COG6: variants seen among roughly 807,000 people sequenced by gnomAD.
COG6 encodes component of oligomeric golgi complex 6.
Under a neutral mutation model 88.8 loss-of-function variants are expected in COG6, and 74 were observed. The ratio of observed to expected loss-of-function variants is 0.83; its 90% CI spans 0.69 to 1.01. The LOEUF (loss-of-function observed/expected upper bound fraction) is 1.01, where lower values mean the gene tolerates loss of function less well. COG6 is among the 50% of genes least tolerant of loss of function. The pLI is 0.00. For synonymous variants in COG6, 286 were observed against 278.7 expected (o/e 1.03, Z -0.26); for missense variants, 800 against 797.9 (o/e 1.00, Z -0.03).
rs1371347448 is a variant in COG6 at position 39,751,300 on chromosome 13, A to G, written c.*207A>G. ...CCTGAGCTAGTATTGCTGTGTATCT[A>G]CTCTAAATGAGATGATCTATTTTTT... On this transcript the variant is annotated 3_prime_UTR_variant, in exon 19 of 19. Coordinates refer to ENST00000455146, the MANE Select transcript of COG6 (RefSeq NM_020751.3). 5.3e-6 allele frequency: 8 copies of G among 1,499,726 alleles called. No homozygotes were observed. Among genetic ancestry groups the G allele is most frequent in the South Asian group, 1.2e-5 (1 of 82,714 alleles). The allele number at this position is 1,499,726 out of a possible 1,614,324, so 92.9% of individuals were successfully genotyped here. A position where few individuals can be genotyped will look rare whatever the true frequency, so the allele number is the denominator to read the frequency against.
chr13:39,692,846 G>A (rs1303693039), intron 11 of COG6, among the ~76,000 whole-genome samples: 1 of 151,840 alleles, frequency 6.6e-6, no homozygotes, highest in Non-Finnish European at 1.5e-5. Flanking sequence ...GATGTGCCAG[G>A]GTCTGTTCCA....
At position 39,771,267 on chromosome 13, in the gene COG6, C is replaced by T. The variant is rs142419165; in HGVS notation, c.1827-17068C>T. Among the ~76,000 whole-genome samples, 14 of 152,302 alleles carry T rather than the reference C, an allele frequency of 9.2e-5. No homozygotes were observed. In the East Asian group the frequency reaches 2.5e-3, roughly 27 times the overall value. On this transcript the variant is annotated intron_variant, in intron 18 of 18. Coordinates refer to the COG6 transcript ENST00000416691. ...CCAACCATCTTTCTGGCTTGTTTCC[C>T]GCAGGTACTGAAAGGCATTTGCTGT...
chr13:39,747,347 A>G (rs988289292), intron 18 of COG6, among the ~76,000 whole-genome samples: 2 of 152,154 alleles, frequency 1.3e-5, no homozygotes, highest in Non-Finnish European at 1.5e-5. Context: ...CTCGCTTCAG[A>G]GAATCTCCCT....
Position 39,699,478 on chromosome 13 carries a change from C to T in COG6, c.1167-23C>T, listed in dbSNP as rs370582953. On this transcript the variant is annotated intron_variant, in intron 12 of 18. Coordinates refer to ENST00000455146, the MANE Select transcript of COG6 (RefSeq NM_020751.3). ...TTTTGTTTCAGTTTCTGTTTTGCAA[C>T]CTGAAATATTCTTTGCTTTTAGTGG... 7 of 1,153,436 alleles carry T rather than the reference C, an allele frequency of 6.1e-6. No individual in the cohort carries two copies. Among genetic ancestry groups the T allele is most frequent in the African/African-American group, 6.1e-5 (4 of 66,008 alleles). The allele number at this position is 1,153,436 out of a possible 1,614,324, so 71.5% of individuals were successfully genotyped here. A position where few individuals can be genotyped will look rare whatever the true frequency, so the allele number is the denominator to read the frequency against.
At chr13:39,659,293 C>T in intron 1 of COG6, 71 bp from the exon 2 acceptor site, 1 of 1,382,142 alleles carries the variant, frequency 7.2e-7, no homozygotes, top group Non-Finnish European at 1.0e-6. Flanking sequence ...GATTTCATTA[C>T]ATTTTGTCTT....
At chr13:39,680,124 A>G in intron 7 of COG6, 79 bp downstream of exon 7, 1 of 816,678 alleles carries the variant, frequency 1.2e-6, no homozygotes, top group Non-Finnish European at 2.1e-6. Flanking sequence ...TCTTTATTTG[A>G]TATATTTTGA....
At chr13:39,665,251 T>A in intron 4 of COG6, 97 bp downstream of exon 4, 1 of 729,776 alleles carries the variant, frequency 1.4e-6, no homozygotes, top group Non-Finnish European at 2.5e-6. Context: ...AGCAGAATAA[T>A]AAAAAACATG....
intron 18 of COG6, among the ~76,000 whole-genome samples, chr13:39,732,214 A>G (rs2138103486): frequency 6.6e-6 from 1 of 152,334 alleles, no homozygotes; most frequent in South Asian, 2.1e-4. Context: ...CCTTAAGATT[A>G]ACTATCAGAG....
intron 4 of COG6, among the ~76,000 whole-genome samples, chr13:39,667,093 A>T (rs1235722362): frequency 1.3e-5 from 2 of 152,138 alleles, no homozygotes; most frequent in East Asian, 3.9e-4. Flanking sequence ...TGTTTAATAT[A>T]TTAGGATTCC....
chr13:39,706,020 A>G (rs1199737525), intron 13 of COG6, among the ~76,000 whole-genome samples: 1 of 151,920 alleles, frequency 6.6e-6, no homozygotes, highest in Non-Finnish European at 1.5e-5. Context: ...AAAAGTGTGT[A>G]AAATAAGTTG....
In COG6 at chr13:39,687,594, C is replaced by T; in HGVS notation, c.880C>T (p.Pro294Ser). The T allele has an allele frequency of 6.2e-7, 1 of 1,613,744 alleles. No individual in the cohort carries two copies. The highest frequency in any genetic ancestry group is 1.1e-5 in the South Asian group (1 of 91,022). The change falls in exon 9 of 19, where the codon CCT becomes TCT. Residue 294 changes from proline to serine, a missense_variant. Pro to Ser is a moderately conservative substitution (Grantham distance 74). Coordinates refer to ENST00000455146, the MANE Select transcript of COG6 (RefSeq NM_020751.3). ...ALTRGGPGGT[P>S]RPIEMHSHDP... The stretch of plus-strand genomic sequence containing the variant: ...CACAAGAGGGGGCCCCGGAGGTACA[C>T]CTAGACCAATTGAAATGCATTCTCA...
At chr13:39,789,353 T>C (rs1196838459) in exon 19 of COG6, 1 of 152,256 alleles carries the variant, frequency 6.6e-6, no homozygotes, top group Non-Finnish European at 1.5e-5. Context: ...TTAAGAATCA[T>C]GCAGCAATGA....
At chr13:39,739,199 C>G (rs550347616) in intron 18 of COG6, among the ~76,000 whole-genome samples, 1 of 152,004 alleles carries the variant, frequency 6.6e-6, no homozygotes, top group South Asian at 2.1e-4. Flanking sequence ...TAGAAAGTTC[C>G]TAGCAAGAAC....
At chr13:39,773,252 C>T (rs1178080268) in intron 18 of COG6, among the ~76,000 whole-genome samples, 1 of 152,216 alleles carries the variant, frequency 6.6e-6, no homozygotes, top group Non-Finnish European at 1.5e-5. Context: ...ACACTTATTT[C>T]TTAGGAAGAG....
chr13:39,755,863 G>A (rs1419686126), downstream of COG6, among the ~76,000 whole-genome samples: 8 of 152,118 alleles, frequency 5.3e-5, no homozygotes, highest in South Asian at 4.1e-4. Flanking sequence ...CTAATGAATC[G>A]GACACATAAG....
intron 18 of COG6, among the ~76,000 whole-genome samples, chr13:39,746,849 T>C (rs368601098): frequency 2.0e-5 from 3 of 152,328 alleles, no homozygotes; most frequent in East Asian, 1.9e-4. Context: ...TTCATTTATA[T>C]ACAAATAACT....
At chr13:39,714,680 A>C (rs1342985335) in intron 13 of COG6, among the ~76,000 whole-genome samples, 4 of 152,192 alleles carry the variant, frequency 2.6e-5, no homozygotes, top group Non-Finnish European at 5.9e-5. Context: ...GGGAATGTAA[A>C]TTAGTACAAC....
intron 8 of COG6, among the ~76,000 whole-genome samples, chr13:39,687,137 C>A (rs912606873): frequency 6.6e-6 from 1 of 152,002 alleles, no homozygotes; most frequent in Admixed American, 6.6e-5. Flanking sequence ...CTGAAATATA[C>A]CGAAACCTAG....
intron 4 of COG6, 86 bp from the exon 5 acceptor site, chr13:39,677,382 T>A (rs562435729): frequency 8.7e-4 from 683 of 785,090 alleles, no homozygotes; most frequent in Non-Finnish European, 1.3e-3. Flanking sequence ...GTTTTAAAAA[T>A]TTATTATGTC....
Sources: allele counts gnomAD v4.1 joint callset (sites outside exome capture counted in the v4.1 genomes callset), GRCh38; gene constraint gnomAD v4.1.1; transcripts MANE v1.5; gene names NCBI Gene and HGNC (gene_info 2026-07-23, HGNC 2026-07-21).